The following PLEKHA7 variants were observed in gnomAD, a reference collection of about 807,000 sequenced individuals.
The protein encoded by PLEKHA7 is pleckstrin homology domain-containing family A member 7.
A neutral mutation model predicts 170.0 loss-of-function variants in PLEKHA7; 104 were observed. That is an observed-to-expected ratio of 0.61 (90% CI 0.52 to 0.72). The LOEUF (loss-of-function observed/expected upper bound fraction) is 0.72. Among genes scored for constraint, PLEKHA7 ranks in the 30% least tolerant of loss-of-function variants. The probability of loss-of-function intolerance (pLI) is 0.00; values close to 1 mark genes in which losing one functional copy is unlikely to be tolerated. For missense variants in PLEKHA7, 1,615 were observed against 1,671.7 expected (o/e 0.97, Z 0.59); for synonymous variants, 648 against 660.8 (o/e 0.98, Z 0.30).
rs1406935275 is a variant in PLEKHA7, at chr11:16,909,549, A to G, written c.222-38367T>C. On this transcript the variant is annotated intron_variant, in intron 3 of 26. Transcript: ENST00000531066. ...ACCACACTCTCCAAGGCAGCAGCCT[A>G]GACAGGTGCAAATACTGTGCTGAGA... is the stretch of plus-strand genomic sequence containing the variant. 2.6e-5 allele frequency among the ~76,000 whole-genome samples: 4 copies of G among 152,226 alleles called. No individual in the cohort carries two copies. The East Asian group carries it at 7.7e-4, about 29-fold the overall frequency.
chr11:16,962,485 C>T (rs1249577803), intron 3 of PLEKHA7, among the ~76,000 whole-genome samples: 2 of 152,176 alleles, frequency 1.3e-5, no homozygotes, highest in African/African-American at 4.8e-5. Context: ...TTTTTGGATA[C>T]AGTCTCATAC....
chr11:16,864,816 T>C (rs1854256702), intron 4 of PLEKHA7, among the ~76,000 whole-genome samples: 1 of 152,224 alleles, frequency 6.6e-6, no homozygotes, highest in South Asian at 2.1e-4. Flanking sequence ...GTCTCAGGTA[T>C]GTCTTTATTA....
intron 3 of PLEKHA7, among the ~76,000 whole-genome samples, chr11:16,993,303 T>G (rs1864153853): frequency 6.6e-6 from 1 of 151,274 alleles, no homozygotes; most frequent in South Asian, 2.1e-4. Flanking sequence ...TGGATGGACT[T>G]AAGGAAGGGG....
rs537878394 is a variant in PLEKHA7 at position 16,972,286 on chromosome 11, T to TA, written c.221+41702dup. On this transcript the variant is annotated intron_variant, in intron 3 of 26. Coordinates refer to ENST00000531066, the MANE Select transcript of PLEKHA7 (RefSeq NM_001329630.2). ...ACAAGCGCACACCACCACACTCAGC[T>TA]AATTTTTGTATTTTTTGTACAGACG... 6.1e-3 allele frequency among the ~76,000 whole-genome samples: 923 copies of TA among 152,212 alleles called. 7 individuals are homozygous for TA. The highest frequency in any genetic ancestry group is 8.2e-3 in the Non-Finnish European group (560 of 68,014).
At chr11:16,821,631 A>G in intron 10 of PLEKHA7, among the ~76,000 whole-genome samples, 1 of 152,208 alleles carries the variant, frequency 6.6e-6, no homozygotes, top group East Asian at 1.9e-4. Flanking sequence ...TCTATCTCAT[A>G]TATTTTCAAA....
chr11:16,913,756 G>C (rs1231240409), intron 3 of PLEKHA7, among the ~76,000 whole-genome samples: 1 of 152,198 alleles, frequency 6.6e-6, no homozygotes, highest in Non-Finnish European at 1.5e-5. Flanking sequence ...GAGCAGCAAG[G>C]AGGCAGCCTT....
chr11:16,980,030 C>T (rs1303413938), intron 3 of PLEKHA7, among the ~76,000 whole-genome samples: 1 of 152,138 alleles, frequency 6.6e-6, no homozygotes, highest in African/African-American at 2.4e-5. Context: ...ATGGGTACGA[C>T]CCACAGTAAT....
At chr11:16,984,213 G>A (rs1475933646) in intron 3 of PLEKHA7, among the ~76,000 whole-genome samples, 1 of 151,448 alleles carries the variant, frequency 6.6e-6, no homozygotes, top group African/African-American at 2.4e-5. Flanking sequence ...ATTTAACAGA[G>A]GAATGGCATG....
intron 3 of PLEKHA7, among the ~76,000 whole-genome samples, chr11:16,889,786 T>A (rs1856497738): frequency 6.6e-6 from 1 of 152,216 alleles, no homozygotes; most frequent in East Asian, 1.9e-4. Flanking sequence ...GACACCCAGA[T>A]ACAAGAAGTT....
At chr11:17,000,558 C>T (rs1321028649) in intron 3 of PLEKHA7, among the ~76,000 whole-genome samples, 5 of 152,166 alleles carry the variant, frequency 3.3e-5, no homozygotes, top group African/African-American at 1.2e-4. Context: ...CTAGCCTGAC[C>T]TTAGGAGATC....
intron 3 of PLEKHA7, among the ~76,000 whole-genome samples, chr11:16,978,382 AG>A: frequency 6.6e-6 from 1 of 152,238 alleles, no homozygotes; most frequent in Admixed American, 6.5e-5. Context: ...GATGCAAAAC[AG>A]TTACATGAGT....
chr11:16,945,906 G>A (rs562088856), intron 3 of PLEKHA7, among the ~76,000 whole-genome samples: 3 of 152,324 alleles, frequency 2.0e-5, no homozygotes, highest in South Asian at 4.1e-4. Context: ...GGCCTCAAAG[G>A]ACACTGCTGC....
intron 3 of PLEKHA7, among the ~76,000 whole-genome samples, chr11:16,899,605 G>A (rs755095339): frequency 1.4e-4 from 22 of 152,218 alleles, no homozygotes; most frequent in Non-Finnish European, 2.9e-4. Flanking sequence ...CCAACTCAGT[G>A]TAGGAATGAG....
Position 16,954,264 on chromosome 11 carries a change from T to G in PLEKHA7, c.221+59725A>C, listed in dbSNP as rs184286580. Among the ~76,000 whole-genome samples the G allele has an allele frequency of 1.8e-3, 275 of 152,206 alleles. 3 individuals are homozygous for G. Among genetic ancestry groups the G allele is most frequent in the Admixed American group, 0.016 (238 of 15,292 alleles). ...GGCACAGTGGCTCACACCTGTAATC[T>G]CAGCACTTTGGGAGGCTGAGGCAGG... is the stretch of plus-strand genomic sequence containing the variant. On this transcript the variant is annotated intron_variant, in intron 3 of 26. Transcript: ENST00000531066.
At chr11:16,898,621 T>C (rs76989197) in intron 3 of PLEKHA7, among the ~76,000 whole-genome samples, 2,370 of 152,302 alleles carry the variant, frequency 0.016, 61 homozygotes, top group African/African-American at 0.054. Flanking sequence ...GCAGCAAGTA[T>C]TATTATTCTT....
At chr11:16,796,885 C>T (rs1848267236) in intron 17 of PLEKHA7, among the ~76,000 whole-genome samples, 1 of 152,060 alleles carries the variant, frequency 6.6e-6, no homozygotes, top group South Asian at 2.1e-4. Context: ...CCAGGATGGT[C>T]TTGAACTCCC....
chr11:16,929,081 C>T (rs188212283), intron 3 of PLEKHA7, among the ~76,000 whole-genome samples: 13 of 152,208 alleles, frequency 8.5e-5, no homozygotes, highest in Admixed American at 7.8e-4. Context: ...TTAAAAACAA[C>T]TGCATTTAAA....
At chr11:16,901,608 C>G (rs956545204) in intron 3 of PLEKHA7, among the ~76,000 whole-genome samples, 7 of 152,158 alleles carry the variant, frequency 4.6e-5, no homozygotes, top group African/African-American at 1.7e-4. Context: ...GTGGCTCACG[C>G]CTGTAATCCC....
intron 26 of PLEKHA7, among the ~76,000 whole-genome samples, chr11:16,780,485 A>G (rs1364751409): frequency 6.6e-6 from 1 of 152,198 alleles, no homozygotes. Context: ...CCAGCCCCTC[A>G]CTGGGCCTCA....
Sources: gnomAD v4.1 joint callset for allele counts (sites outside exome capture counted in the v4.1 genomes callset) on GRCh38, gnomAD v4.1.1 for gene constraint, MANE v1.5 for transcripts, NCBI Gene and HGNC (gene_info 2026-07-23, HGNC 2026-07-21) for gene names.